Variants in RANBP2 observed in about 807,000 individuals in gnomAD.
RANBP2 encodes the protein E3 SUMO-protein ligase RanBP2.
RANBP2 carries 57 observed loss-of-function variants against 303.6 expected under a neutral mutation model. The ratio of observed to expected loss-of-function variants is 0.19; its 90% CI spans 0.15 to 0.23. The LOEUF (loss-of-function observed/expected upper bound fraction) is 0.23, where lower values mean the gene tolerates loss of function less well. Ranked by LOEUF, RANBP2 falls within the 10% of genes least tolerant of loss-of-function variation. The pLI, the probability that RANBP2 is intolerant of heterozygous loss-of-function variation, is 1.00. For missense variants in RANBP2, 3,138 were observed against 3,780.8 expected, an observed-to-expected ratio of 0.83 and a Z score of 4.46; for synonymous variants, 1,167 against 1,301.5, an observed-to-expected ratio of 0.90 and a Z score of 2.23.
chr2:109,251,875 G>A, the RANBP2 span, among the ~76,000 whole-genome samples: 5 of 152,084 alleles, frequency 3.3e-5, no homozygotes, highest in African/African-American at 1.2e-4. Flanking sequence ...TAAGAGGATG[G>A]GTTCCAGGGT....
At chr2:109,774,523 TATATATA>T in the RANBP2 span, among the ~76,000 whole-genome samples, 5 of 80,590 alleles carry the variant, frequency 6.2e-5, 2 homozygotes, top group Non-Finnish European at 8.3e-5. Flanking sequence ...TAATATATAT[TATATATA>T]TTATATATAA....
the RANBP2 span, among the ~76,000 whole-genome samples, chr2:109,426,151 C>A: frequency 4.7e-4 from 72 of 152,290 alleles, 1 homozygote; most frequent in African/African-American, 1.3e-3. Context: ...TCAAGTGATC[C>A]GTCCGCCTTG....
the RANBP2 span, among the ~76,000 whole-genome samples, chr2:109,005,012 G>A: frequency 6.6e-6 from 1 of 152,156 alleles, no homozygotes. Flanking sequence ...CACAGGCCCA[G>A]TCTGATGGGT....
the RANBP2 span, among the ~76,000 whole-genome samples, chr2:109,220,356 T>C: frequency 1.3e-5 from 2 of 152,186 alleles, no homozygotes; most frequent in Admixed American, 1.3e-4. Flanking sequence ...CTTCATGGCC[T>C]GGAATTAGGC....
chr2:109,720,114 T>C, the RANBP2 span, among the ~76,000 whole-genome samples: 1 of 152,168 alleles, frequency 6.6e-6, no homozygotes, highest in East Asian at 1.9e-4. Flanking sequence ...TCATTTGACA[T>C]TTCTACTGAC....
At chr2:109,649,500 C>A in the RANBP2 span, among the ~76,000 whole-genome samples, 1 of 151,956 alleles carries the variant, frequency 6.6e-6, no homozygotes, top group African/African-American at 2.4e-5. Context: ...CGGGTTCAAG[C>A]GATTCTCCTG....
At chr2:109,012,884 A>G in the RANBP2 span, among the ~76,000 whole-genome samples, 1 of 152,212 alleles carries the variant, frequency 6.6e-6, no homozygotes, top group Non-Finnish European at 1.5e-5. Flanking sequence ...ACTGCACTCC[A>G]GCCTGGGCGA....
chr2:109,372,365 C>T, the RANBP2 span, among the ~76,000 whole-genome samples: 11 of 152,158 alleles, frequency 7.2e-5, no homozygotes, highest in Admixed American at 7.2e-4. Context: ...TTGCCTATGG[C>T]GTGTGTGTCT....
At chr2:109,041,806 G>T in the RANBP2 span, among the ~76,000 whole-genome samples, 1 of 150,470 alleles carries the variant, frequency 6.6e-6, no homozygotes, top group African/African-American at 2.4e-5. Flanking sequence ...CTCCCAAAGT[G>T]CTGGGTTTAC....
At chr2:109,056,635 G>T in the RANBP2 span, among the ~76,000 whole-genome samples, 1,803 of 152,276 alleles carry the variant, frequency 0.012, 38 homozygotes, top group African/African-American at 0.041. Flanking sequence ...GGCTTTTCGA[G>T]GATTTAGGAT....
At chr2:108,971,356 C>A in the RANBP2 span, among the ~76,000 whole-genome samples, 1 of 152,050 alleles carries the variant, frequency 6.6e-6, no homozygotes, top group African/African-American at 2.4e-5. Context: ...TCAGGCCGCA[C>A]CCGAGACCTC....
the RANBP2 span, among the ~76,000 whole-genome samples, chr2:108,802,626 TCTC>T: frequency 7.0e-6 from 1 of 143,158 alleles, no homozygotes; most frequent in African/African-American, 2.6e-5. Flanking sequence ...TTTATTTCCT[TCTC>T]CTGCCTGATT....
At chr2:109,212,234 C>A in the RANBP2 span, among the ~76,000 whole-genome samples, 1 of 152,262 alleles carries the variant, frequency 6.6e-6, no homozygotes, top group Admixed American at 6.5e-5. Flanking sequence ...CTTCTTGACT[C>A]CTCACTTCCC....
At chr2:109,613,668 GGGCGGGCGGGGCC>G in the RANBP2 span, 1 of 594,912 alleles carries the variant, frequency 1.7e-6, no homozygotes, top group Non-Finnish European at 2.4e-6. Flanking sequence ...GGGGAGCACT[GGGCGGGCGGGGCC>G]GGAGGGGGCG....
chr2:108,980,709 A>G, the RANBP2 span, among the ~76,000 whole-genome samples: 1 of 152,152 alleles, frequency 6.6e-6, no homozygotes, highest in Admixed American at 6.5e-5. Flanking sequence ...CAAGACACAC[A>G]GACATCTTGG....
At chr2:109,164,959 T>G in the RANBP2 span, among the ~76,000 whole-genome samples, 1 of 152,162 alleles carries the variant, frequency 6.6e-6, no homozygotes, top group Non-Finnish European at 1.5e-5. Flanking sequence ...GAGGTCGTAA[T>G]TGTTTTTCTT....
the RANBP2 span, among the ~76,000 whole-genome samples, chr2:109,272,476 G>A: frequency 6.6e-6 from 1 of 152,226 alleles, no homozygotes. Context: ...TGTGTGGGAC[G>A]CAGGGAGCCC....
At chr2:109,462,101 G>C in the RANBP2 span, among the ~76,000 whole-genome samples, 8 of 151,040 alleles carry the variant, frequency 5.3e-5, no homozygotes, top group Non-Finnish European at 1.0e-4. Flanking sequence ...ACATGCAGGT[G>C]TCTTACCAAC....
At chr2:109,498,273 C>T in the RANBP2 span, among the ~76,000 whole-genome samples, 1 of 152,154 alleles carries the variant, frequency 6.6e-6, no homozygotes, top group Non-Finnish European at 1.5e-5. Context: ...GGCTGGTATT[C>T]GGGACTGCGA....
Sources: gnomAD v4.1 joint callset for allele counts (sites outside exome capture counted in the v4.1 genomes callset) on GRCh38, gnomAD v4.1.1 for gene constraint, MANE v1.5 for transcripts, NCBI Gene and HGNC (gene_info 2026-07-23, HGNC 2026-07-21) for gene names.